Variants in TAOK3 observed in about 807,000 individuals in gnomAD.
TAOK3 encodes the protein TAO kinase 3, also known as serine/threonine-protein kinase TAO3.
In TAOK3, 40 loss-of-function variants were observed where a neutral mutation model predicts 120.4. The ratio of observed to expected loss-of-function variants is 0.33; its 90% confidence interval spans 0.26 to 0.43. The LOEUF is 0.43. TAOK3 is among the 20% of genes least tolerant of loss of function. TAOK3 has a pLI of 1.00. For synonymous variants in TAOK3, 355 were observed against 387.5 expected (o/e 0.92, Z 0.99); for missense variants, 821 against 1,112.1 (o/e 0.74, Z 3.72).
At chr12:118,179,384 G>A (rs1004486500) in intron 15 of TAOK3, among the ~76,000 whole-genome samples, 4 of 152,138 alleles carry the variant, frequency 2.6e-5, no homozygotes, top group African/African-American at 9.7e-5. Flanking sequence ...AGGCAGATCT[G>A]CTTAATTTTG....
In TAOK3 at chr12:118,321,635, CA is replaced by C. The variant is rs1306452904; in HGVS notation, c.-194+51012del. On this transcript the variant is annotated intron_variant, in intron 1 of 20. Coordinates refer to ENST00000392533, the MANE Select transcript of TAOK3 (RefSeq NM_016281.4). ...CTCATAATTAAAATATATGCTTCAG[CA>C]ATCCAGTTAGATTACAAGACATTTC... Among the ~76,000 whole-genome samples, 3 of 152,132 alleles carry C rather than the reference CA, an allele frequency of 2.0e-5. No individual in the cohort carries two copies. In the East Asian group the frequency reaches 5.8e-4, roughly 29 times the overall value.
At chr12:118,223,070 T>C (rs1323675366) in intron 9 of TAOK3, among the ~76,000 whole-genome samples, 73 of 107,372 alleles carry the variant, frequency 6.8e-4, no homozygotes, top group Middle Eastern at 5.0e-3. Context: ...TTCTTTTTTT[T>C]TTTTTTTTTT....
chr12:118,278,973 T>C (rs1488165286), intron 1 of TAOK3, among the ~76,000 whole-genome samples: 1 of 151,858 alleles, frequency 6.6e-6, no homozygotes, highest in Non-Finnish European at 1.5e-5. Context: ...CACTCAGCTA[T>C]TTTTTATATT....
At chr12:118,157,365 G>A (rs2034908921) in intron 19 of TAOK3, among the ~76,000 whole-genome samples, 2 of 152,112 alleles carry the variant, frequency 1.3e-5, no homozygotes, top group Non-Finnish European at 2.9e-5. Flanking sequence ...TTCGGATAAA[G>A]ACAAAAATTC....
At chr12:118,181,296 C>T in intron 15 of TAOK3, 75 bp downstream of exon 15, 3 of 1,311,304 alleles carry the variant, frequency 2.3e-6, no homozygotes, top group Non-Finnish European at 3.2e-6. Context: ...ACTCCTGCCT[C>T]TTGCTAACAT....
chr12:118,152,496 T>G, intron 19 of TAOK3, 87 bp from the exon 20 acceptor site: 1 of 1,365,174 alleles, frequency 7.3e-7, no homozygotes, highest in Non-Finnish European at 9.9e-7. Flanking sequence ...TGGAAGAGGT[T>G]TCCTCATTTG....
chr12:118,156,947 C>G (rs557907216), intron 19 of TAOK3, among the ~76,000 whole-genome samples: 6 of 152,176 alleles, frequency 3.9e-5, no homozygotes, highest in African/African-American at 1.4e-4. Context: ...ACCACACTGG[C>G]CAGGCTGGTC....
At chr12:118,289,290 C>T (rs1216297772) in intron 1 of TAOK3, among the ~76,000 whole-genome samples, 10 of 106,990 alleles carry the variant, frequency 9.3e-5, no homozygotes, top group African/African-American at 4.0e-4. Context: ...CACACCAAGA[C>T]TGTCTCAAAA....
At chr12:118,348,367 C>T (rs2044968924) in intron 1 of TAOK3, among the ~76,000 whole-genome samples, 2 of 152,218 alleles carry the variant, frequency 1.3e-5, no homozygotes, top group South Asian at 4.1e-4. Flanking sequence ...GTGTTAAACA[C>T]AGACTATTCA....
chr12:118,255,559 T>C lies in TAOK3; in HGVS notation c.9A>G (p.Lys3=), dbSNP rs1283485950. The C allele has an allele frequency of 6.2e-7, 1 of 1,613,458 alleles. No individual in the cohort carries two copies. Among genetic ancestry groups the C allele is most frequent in the East Asian group, 2.2e-5 (1 of 44,860 alleles). MR[K]GVLKDPEIAD... ...CAATCTCTGGGTCCTTCAGCACCCCTTTACGCATGATGGCCAGTAGAGCAG... is the reference window on the plus strand; with the variant it reads ...CAATCTCTGGGTCCTTCAGCACCCCCTTACGCATGATGGCCAGTAGAGCAG... The change falls in exon 3 of 21, where the codon AAA becomes AAG. Residue 3 remains lysine, a synonymous_variant. Coordinates refer to ENST00000392533, the MANE Select transcript of TAOK3 (RefSeq NM_016281.4).
intron 1 of TAOK3, chr12:118,359,025 G>C (rs545290253): frequency 6.6e-6 from 1 of 152,198 alleles, no homozygotes; most frequent in Non-Finnish European, 1.5e-5. Context: ...CCCAGAGATG[G>C]CTTCATTTAA....
At chr12:118,230,280 T>A (rs2039705181) in intron 9 of TAOK3, among the ~76,000 whole-genome samples, 1 of 152,052 alleles carries the variant, frequency 6.6e-6, no homozygotes, top group Non-Finnish European at 1.5e-5. Context: ...AAAATCTGAC[T>A]CATACTAGAG....
chr12:118,270,048 G>A (rs1356166406), intron 1 of TAOK3, among the ~76,000 whole-genome samples: 12 of 152,138 alleles, frequency 7.9e-5, no homozygotes, highest in African/African-American at 2.9e-4. Context: ...AGTCCTCTGT[G>A]TGACTGCAAG....
intron 1 of TAOK3, among the ~76,000 whole-genome samples, chr12:118,294,072 C>G (rs1290877796): frequency 6.6e-6 from 1 of 151,540 alleles, no homozygotes; most frequent in African/African-American, 2.4e-5. Context: ...ACCAAGTAGA[C>G]AGCAGTGGAG....
intron 1 of TAOK3, among the ~76,000 whole-genome samples, chr12:118,277,149 C>G (rs1444860518): frequency 6.6e-6 from 1 of 152,158 alleles, no homozygotes; most frequent in Admixed American, 6.5e-5. Context: ...ACTTCCAAAA[C>G]AAATATGGCC....
chr12:118,281,857 G>C (rs972669775), intron 1 of TAOK3, among the ~76,000 whole-genome samples: 1 of 152,072 alleles, frequency 6.6e-6, no homozygotes. Context: ...AGAGACAGGA[G>C]TCTAATAACT....
At chr12:118,180,858 T>G (rs1007656418) in intron 15 of TAOK3, among the ~76,000 whole-genome samples, 1 of 151,960 alleles carries the variant, frequency 6.6e-6, no homozygotes, top group African/African-American at 2.4e-5. Flanking sequence ...ATTTTTTTTT[T>G]TTTTTGAGAA....
Position 118,217,847 on chromosome 12 carries a change from A to G in TAOK3, c.644-3737T>C, listed in dbSNP as rs1293895802. On this transcript the variant is annotated intron_variant, in intron 9 of 20. Transcript: ENST00000392533. ...TATATATATATATATATATATATAT[A>G]TATATATATATATACACTTTTTTTT... 1.6e-3 allele frequency among the ~76,000 whole-genome samples: 156 copies of G among 99,210 alleles called. 7 individuals carry two copies. In the East Asian group the frequency reaches 0.042, roughly 26 times the overall value. 65.1% of individuals were successfully genotyped at this position (99,210 alleles called of 152,430 possible).
At chr12:118,205,920 C>G (rs2038280926) in intron 11 of TAOK3, among the ~76,000 whole-genome samples, 1 of 149,948 alleles carries the variant, frequency 6.7e-6, no homozygotes. Flanking sequence ...CCCAATCTCT[C>G]TCTCTCTCTT....
Sources: gnomAD v4.1 joint callset for allele counts (sites outside exome capture counted in the v4.1 genomes callset) on GRCh38, gnomAD v4.1.1 for gene constraint, MANE v1.5 for transcripts, NCBI Gene and HGNC (gene_info 2026-07-23, HGNC 2026-07-21) for gene names.